The following PARD3B variants were observed in gnomAD, a reference collection of about 807,000 sequenced individuals.
PARD3B encodes the protein par-3 family cell polarity regulator beta.
Under a neutral mutation model 130.2 loss-of-function variants are expected in PARD3B, and 103 were observed. The observed-to-expected ratio is 0.79, with a 90% CI of 0.67 to 0.93. The LOEUF is 0.93. Ranked by LOEUF, PARD3B falls within the 40% of genes least tolerant of loss-of-function variation. PARD3B has a pLI of 0.00. For synonymous variants in PARD3B, 583 were observed against 553.2 expected, an observed-to-expected ratio of 1.05 and a Z score of -0.76; for missense variants, 1,609 against 1,499.2, an observed-to-expected ratio of 1.07 and a Z score of -1.21.
intron 4 of PARD3B, among the ~76,000 whole-genome samples, chr2:205,073,302 T>G (rs1700852114): frequency 6.6e-6 from 1 of 152,196 alleles, no homozygotes; most frequent in African/African-American, 2.4e-5. Flanking sequence ...ATCCCTTTGC[T>G]TAAAGTTGTG....
chr2:204,895,467 G>T (rs1374481241), intron 2 of PARD3B, among the ~76,000 whole-genome samples: 1 of 151,792 alleles, frequency 6.6e-6, no homozygotes, highest in Non-Finnish European at 1.5e-5. Context: ...CAGTTATCAG[G>T]TATTTAACCG....
intron 4 of PARD3B, among the ~76,000 whole-genome samples, chr2:205,056,176 G>A (rs912117872): frequency 7.9e-5 from 12 of 151,894 alleles, no homozygotes; most frequent in African/African-American, 2.2e-4. Context: ...TGAGCATGGT[G>A]TGATTCATAG....
Position 205,470,201 on chromosome 2 carries a change from C to G in PARD3B, c.3044+29529C>G, listed in dbSNP as rs959642554. 4.6e-5 allele frequency among the ~76,000 whole-genome samples: 7 copies of G among 152,182 alleles called. No homozygotes were observed. Among genetic ancestry groups the G allele is most frequent in the South Asian group, 2.1e-4 (1 of 4,826 alleles). On this transcript the variant is annotated intron_variant, in intron 20 of 22. Transcript: ENST00000406610. The surrounding 1 kb of genome is among the most constrained non-coding windows in gnomAD (Gnocchi z 4.8). ...CTTTAATGGAAGCAAAATAGGAGTTCAGGTTGCTCTGCCTTTTCTCTGGCA... is the reference window on the plus strand; with the variant it reads ...CTTTAATGGAAGCAAAATAGGAGTTGAGGTTGCTCTGCCTTTTCTCTGGCA...
chr2:205,322,889 C>CTTTTTTTTTTTTTT lies in PARD3B; in HGVS notation c.2630+21217_2630+21230dup, dbSNP rs71032461. Reference sequence around the variant, plus strand: ...TGTTGTTATATCATTATTAACACCTCTTTTTTTTTTTTTTTTTTTTTTTTT... The same window carrying CTTTTTTTTTTTTTT: ...TGTTGTTATATCATTATTAACACCTCTTTTTTTTTTTTTTTTTTTTTTTTTTTTTTTTTTTTTTT... On this transcript the variant is annotated intron_variant, in intron 18 of 22. Transcript: ENST00000406610. Among the ~76,000 whole-genome samples, 12 of 51,466 alleles carry CTTTTTTTTTTTTTT rather than the reference C, an allele frequency of 2.3e-4. 2 individuals are homozygous for CTTTTTTTTTTTTTT. The highest frequency in any genetic ancestry group is 4.6e-4 in the Non-Finnish European group (12 of 26,332). The allele number at this position is 51,466 out of a possible 152,430, so 33.8% of individuals were successfully genotyped here. A position where few individuals can be genotyped will look rare whatever the true frequency, so the allele number is the denominator to read the frequency against.
chr2:205,164,848 C>CACACACACACAT (rs1553629141), intron 11 of PARD3B, among the ~76,000 whole-genome samples: 32 of 151,522 alleles, frequency 2.1e-4, no homozygotes, highest in African/African-American at 6.3e-4. Flanking sequence ...CACACACACA[C>CACACACACACAT]GTAAGACCAG....
intron 3 of PARD3B, among the ~76,000 whole-genome samples, chr2:204,985,973 C>A (rs1049723443): frequency 6.6e-6 from 1 of 151,636 alleles, no homozygotes; most frequent in Non-Finnish European, 1.5e-5. Flanking sequence ...TGATGGCAGG[C>A]GCCTGTAGCC....
chr2:205,217,740 ATGTATG>A (rs1398162909), intron 15 of PARD3B, among the ~76,000 whole-genome samples: 1 of 150,102 alleles, frequency 6.7e-6, no homozygotes, highest in African/African-American at 2.4e-5. Flanking sequence ...ATACACATAT[ATGTATG>A]TGTGTATATA....
intron 1 of PARD3B, among the ~76,000 whole-genome samples, chr2:204,627,771 A>T (rs1397590732): frequency 2.0e-4 from 30 of 152,104 alleles, no homozygotes. Context: ...ATCCCAGAAA[A>T]AGACTTTAAG....
intron 19 of PARD3B, among the ~76,000 whole-genome samples, chr2:205,402,596 G>T (rs558137074): frequency 6.6e-6 from 1 of 152,280 alleles, no homozygotes; most frequent in African/African-American, 2.4e-5. Context: ...ATAAAATAAG[G>T]TGAGTTGTCT....
chr2:205,297,829 TAG>T (rs1459989320), intron 16 of PARD3B, among the ~76,000 whole-genome samples: 1 of 152,204 alleles, frequency 6.6e-6, no homozygotes. Context: ...TTACATCCAA[TAG>T]AGTTAGGTTG....
At chr2:204,949,149 T>C (rs1252072876) in intron 2 of PARD3B, among the ~76,000 whole-genome samples, 11 of 152,200 alleles carry the variant, frequency 7.2e-5, no homozygotes, top group Non-Finnish European at 7.3e-5. Flanking sequence ...ATTCTGTGTT[T>C]CTATGGAAAT....
At position 205,208,799 on chromosome 2, in the gene PARD3B, G is replaced by A. The variant is rs560937812; in HGVS notation, c.2140+15479G>A. 7.6e-5 allele frequency among the ~76,000 whole-genome samples: 11 copies of A among 144,982 alleles called. 2 individuals carry two copies. The highest frequency in any genetic ancestry group is 2.9e-4 in the African/African-American group (11 of 37,362). On this transcript the variant is annotated intron_variant, in intron 15 of 22. Transcript: ENST00000406610. ...CGTGAAAATGGCCATACTGCCCAGG[G>A]TAATTTACAGATTCAATGCCATCCC...
At chr2:205,056,586 A>G (rs1699648282) in intron 4 of PARD3B, among the ~76,000 whole-genome samples, 2 of 149,574 alleles carry the variant, frequency 1.3e-5, no homozygotes, top group Admixed American at 1.3e-4. Context: ...GACTAAAACC[A>G]TTAAAAAAAA....
In PARD3B at chr2:205,603,630, T is replaced by C. The variant is rs147431034; in HGVS notation, c.3261-11826T>C. Among the ~76,000 whole-genome samples the C allele has an allele frequency of 5.0e-3, 767 of 152,326 alleles. 8 individuals carry two copies. The highest frequency in any genetic ancestry group is 0.017 in the African/African-American group (726 of 41,560). On this transcript the variant is annotated intron_variant, in intron 22 of 22. Transcript: ENST00000406610. ...TACTCTTCTTTGTCTTTTTTATCTT[T>C]CTTGGCTTAAAGTCTGTTTTGTCAG...
At chr2:205,547,624 A>ATGAT (rs1356789131) in intron 21 of PARD3B, among the ~76,000 whole-genome samples, 2 of 152,126 alleles carry the variant, frequency 1.3e-5, no homozygotes, top group Non-Finnish European at 2.9e-5. Flanking sequence ...AGGAGCCACC[A>ATGAT]TGATTAGGAA....
intron 2 of PARD3B, among the ~76,000 whole-genome samples, chr2:204,828,079 A>G (rs192353891): frequency 3.3e-5 from 5 of 152,282 alleles, no homozygotes; most frequent in Non-Finnish European, 7.4e-5. Context: ...GTGCATCTGA[A>G]CTACAAAGGA....
At chr2:204,879,578 A>G (rs1374468820) in intron 2 of PARD3B, among the ~76,000 whole-genome samples, 1 of 152,190 alleles carries the variant, frequency 6.6e-6, no homozygotes, top group Non-Finnish European at 1.5e-5. Context: ...GGAGGAAACC[A>G]ATGTGAAAAT....
rs1212608752 is a variant in PARD3B, at chr2:205,352,875, A to G, written c.2631-48138A>G. 1.3e-5 allele frequency among the ~76,000 whole-genome samples: 2 copies of G among 152,156 alleles called. No individual in the cohort carries two copies. Among genetic ancestry groups the G allele is most frequent in the Non-Finnish European group, 2.9e-5 (2 of 68,032 alleles). ...ATAAAATTCAGAAGTGCCCTATTAT[A>G]TTAGGAAAGAATAACCCCCCACCAG... On this transcript the variant is annotated intron_variant, in intron 18 of 22. Transcript: ENST00000406610. The surrounding 1 kb of genome is among the most constrained non-coding windows in gnomAD (Gnocchi z 5.2).
chr2:205,267,998 T>C (rs1335970989), intron 16 of PARD3B, among the ~76,000 whole-genome samples: 1 of 152,224 alleles, frequency 6.6e-6, no homozygotes, highest in Non-Finnish European at 1.5e-5. Context: ...ACCAACTCTA[T>C]TGGTTATTAA....
Sources: gnomAD v4.1 joint callset for allele counts (sites outside exome capture counted in the v4.1 genomes callset) on GRCh38, gnomAD v4.1.1 for gene constraint, Gnocchi (gnomAD v3.1) non-coding constraint, MANE v1.5 for transcripts, NCBI Gene and HGNC (gene_info 2026-07-23, HGNC 2026-07-21) for gene names.